The following KIAA1217 variants were observed in gnomAD, a reference collection of about 807,000 sequenced individuals.
The protein encoded by KIAA1217 is sickle tail protein homolog.
A neutral mutation model predicts 163.9 loss-of-function variants in KIAA1217; 88 were observed. The ratio of observed to expected loss-of-function variants is 0.54; its 90% CI spans 0.45 to 0.64. The LOEUF is 0.64. Ranked by LOEUF, KIAA1217 falls within the 30% of genes least tolerant of loss-of-function variation. The pLI is 0.00. For missense variants in KIAA1217, 2,372 were observed against 2,475.0 expected (o/e 0.96, Z 0.88); for synonymous variants, 903 against 923.1 (o/e 0.98, Z 0.39).
intron 2 of KIAA1217, among the ~76,000 whole-genome samples, chr10:24,142,280 T>C (rs2064118952): frequency 6.6e-6 from 1 of 152,218 alleles, no homozygotes; most frequent in African/African-American, 2.4e-5. Context: ...GAGTATCAAT[T>C]TAAGTTTATA....
intron 1 of KIAA1217, among the ~76,000 whole-genome samples, chr10:23,907,682 T>C (rs1842226904): frequency 6.6e-6 from 1 of 152,084 alleles, no homozygotes; most frequent in African/African-American, 2.4e-5. Context: ...ATGCCCACAT[T>C]GGTGAGGGTG....
At chr10:24,255,636 C>G (rs1564352274) in intron 2 of KIAA1217, 1 of 428,056 alleles carries the variant, frequency 2.3e-6, no homozygotes, top group South Asian at 1.7e-5. Flanking sequence ...CCTGCCCCCC[C>G]TGGGGTCCCT....
chr10:23,719,742 C>T (rs1321168858), intron 1 of KIAA1217, among the ~76,000 whole-genome samples: 4 of 151,726 alleles, frequency 2.6e-5, no homozygotes, highest in Non-Finnish European at 5.9e-5. Flanking sequence ...CATGGTGAAA[C>T]CCCATCTCCA....
At chr10:24,530,970 A>G (rs950041373) in intron 14 of KIAA1217, among the ~76,000 whole-genome samples, 5 of 151,998 alleles carry the variant, frequency 3.3e-5, no homozygotes, top group African/African-American at 1.2e-4. Context: ...TGAGGCAGAC[A>G]GATTGCTTGA....
chr10:24,028,815 T>A (rs1458983837), intron 2 of KIAA1217, among the ~76,000 whole-genome samples: 1 of 152,204 alleles, frequency 6.6e-6, no homozygotes, highest in Non-Finnish European at 1.5e-5. Context: ...TTATTGGTGC[T>A]ATACCAATAG....
intron 1 of KIAA1217, among the ~76,000 whole-genome samples, chr10:24,214,779 G>A (rs1053408758): frequency 9.2e-5 from 14 of 152,326 alleles, no homozygotes; most frequent in Non-Finnish European, 1.9e-4. Flanking sequence ...CTAGAAAGAA[G>A]TGAGGGATGC....
rs1312783456 is a variant in KIAA1217 at position 23,789,976 on chromosome 10, T to TATATACACATATACATATACAC, written c.-321+94747_-321+94768dup. Among the ~76,000 whole-genome samples the TATATACACATATACATATACAC allele has an allele frequency of 4.5e-5, 4 of 89,304 alleles. 1 individual carries two copies. The allele number at this position is 89,304 out of a possible 152,430, so 58.6% of individuals were successfully genotyped here. A position where few individuals can be genotyped will look rare whatever the true frequency, so the allele number is the denominator to read the frequency against. ...GTATATATACACATATACATATACATATATACACATATACATATACACATA... is the reference window on the plus strand; with the variant it reads ...GTATATATACACATATACATATACATATATACACATATACATATACACATATACACATATACATATACACATA... On this transcript the variant is annotated intron_variant, in intron 1 of 18. Transcript: ENST00000376462.
intron 2 of KIAA1217, among the ~76,000 whole-genome samples, chr10:24,257,612 G>C (rs1044519490): frequency 6.6e-6 from 1 of 152,124 alleles, no homozygotes; most frequent in African/African-American, 2.4e-5. Context: ...GGGAATCAGA[G>C]AACACAGAAG....
intron 1 of KIAA1217, among the ~76,000 whole-genome samples, chr10:23,726,164 G>C (rs1238038599): frequency 6.6e-6 from 1 of 151,834 alleles, no homozygotes; most frequent in Admixed American, 6.6e-5. Flanking sequence ...AGTTCTCATG[G>C]GGTTTTAAAT....
intron 2 of KIAA1217, among the ~76,000 whole-genome samples, chr10:24,293,891 G>A (rs985579222): frequency 1.3e-5 from 2 of 152,110 alleles, no homozygotes; most frequent in African/African-American, 4.8e-5. Flanking sequence ...GTCTCCGACC[G>A]ACGTCTTTGA....
At chr10:23,916,716 A>G (rs1380199971) in intron 1 of KIAA1217, among the ~76,000 whole-genome samples, 1 of 152,120 alleles carries the variant, frequency 6.6e-6, no homozygotes, top group African/African-American at 2.4e-5. Flanking sequence ...GCTAGTGTCT[A>G]TAATCTCAGC....
At chr10:23,978,739 A>C (rs1291794375) in intron 1 of KIAA1217, among the ~76,000 whole-genome samples, 2 of 152,174 alleles carry the variant, frequency 1.3e-5, no homozygotes, top group Non-Finnish European at 2.9e-5. Flanking sequence ...TGCTTTTAAA[A>C]CATACACAGA....
chr10:23,953,194 G>A (rs1197918646), intron 1 of KIAA1217, among the ~76,000 whole-genome samples: 1 of 152,206 alleles, frequency 6.6e-6, no homozygotes, highest in Non-Finnish European at 1.5e-5. Flanking sequence ...TCAGCCCAAT[G>A]TTCTAACAGT....
intron 1 of KIAA1217, among the ~76,000 whole-genome samples, chr10:23,793,650 C>T (rs1342939792): frequency 3.9e-5 from 6 of 152,168 alleles, no homozygotes; most frequent in African/African-American, 1.4e-4. Context: ...TAGTTGCTAA[C>T]CATGCACATT....
At chr10:24,412,665 G>T (rs2057898222) in intron 3 of KIAA1217, among the ~76,000 whole-genome samples, 1 of 152,116 alleles carries the variant, frequency 6.6e-6, no homozygotes, top group Non-Finnish European at 1.5e-5. Flanking sequence ...GGTCTCCTTT[G>T]TTGGTTGCAT....
intron 2 of KIAA1217, among the ~76,000 whole-genome samples, chr10:24,363,573 T>G (rs11014057): frequency 1.9e-4 from 28 of 151,226 alleles, no homozygotes; most frequent in South Asian, 1.3e-3. Context: ...TTTTGTTTTT[T>G]TTTTTTTTTG....
intron 2 of KIAA1217, among the ~76,000 whole-genome samples, chr10:24,225,705 G>A (rs1389581496): frequency 6.6e-6 from 1 of 152,174 alleles, no homozygotes; most frequent in Non-Finnish European, 1.5e-5. Context: ...AGCCCAGATG[G>A]CATGCCTTCT....
At chr10:24,073,749 A>G (rs534454558) in intron 2 of KIAA1217, among the ~76,000 whole-genome samples, 2 of 152,296 alleles carry the variant, frequency 1.3e-5, no homozygotes, top group African/African-American at 4.8e-5. Flanking sequence ...GCTGAGACCA[A>G]CTGGGGGAAC....
At chr10:24,109,743 T>G (rs879280604) in intron 2 of KIAA1217, among the ~76,000 whole-genome samples, 1 of 152,134 alleles carries the variant, frequency 6.6e-6, no homozygotes, top group Admixed American at 6.5e-5. Flanking sequence ...TTGGGGGATA[T>G]AAAAAATATA....
Sources: allele counts gnomAD v4.1 joint callset (sites outside exome capture counted in the v4.1 genomes callset), GRCh38; gene constraint gnomAD v4.1.1; transcripts MANE v1.5; gene names NCBI Gene and HGNC (gene_info 2026-07-23, HGNC 2026-07-21).